DMD: variants seen among roughly 807,000 people sequenced by gnomAD.
The protein encoded by DMD is mutant dystrophin.
A neutral mutation model predicts 330.1 loss-of-function variants in DMD; 63 were observed. That is an observed-to-expected ratio of 0.19 (90% CI 0.16 to 0.24). The LOEUF (loss-of-function observed/expected upper bound fraction) is 0.24. Ranked by LOEUF, DMD falls within the 10% of genes least tolerant of loss-of-function variation. The probability of loss-of-function intolerance (pLI) is 1.00; values close to 1 mark genes in which losing one functional copy is unlikely to be tolerated. For synonymous variants in DMD, 1,223 were observed against 959.8 expected (o/e 1.27, Z -5.07); for missense variants, 3,344 against 2,684.1 (o/e 1.25, Z -5.43).
intron 43 of DMD, among the ~76,000 whole-genome samples, chrX:32,258,427 A>T (rs1011106741): frequency 3.3e-4 from 37 of 111,889 alleles, no homozygotes; most frequent in Admixed American, 5.7e-4. Flanking sequence ...ATGCCCATCA[A>T]TGATAGACTG....
At chrX:32,229,017 G>T (rs998567746) in intron 43 of DMD, among the ~76,000 whole-genome samples, 2 of 111,244 alleles carry the variant, frequency 1.8e-5, no homozygotes, top group African/African-American at 6.5e-5. Context: ...AGTCTAACTT[G>T]TATGTTTCTA....
Position 32,760,330 on chromosome X carries a change from A to G in DMD, c.649+49163T>C, listed in dbSNP as rs182768154. The stretch of plus-strand genomic sequence containing the variant: ...TATTTAACAGCATTATTCAATTGTC[A>G]TATTTGTTAGTACCTCATGATAAAT... On this transcript the variant is annotated intron_variant, in intron 7 of 78. Coordinates refer to ENST00000357033, the MANE Select transcript of DMD (RefSeq NM_004006.3). Among the ~76,000 whole-genome samples the G allele has an allele frequency of 4.3e-3, 399 of 92,655 alleles. 2 individuals carry two copies. Among genetic ancestry groups the G allele is most frequent in the African/African-American group, 0.017 (382 of 23,033 alleles). The allele number at this position is 92,655 out of a possible 115,157, so 80.5% of individuals were successfully genotyped here. A position where few individuals can be genotyped will look rare whatever the true frequency, so the allele number is the denominator to read the frequency against.
chrX:31,202,081 G>A (rs911803639), intron 67 of DMD, among the ~76,000 whole-genome samples: 2 of 110,918 alleles, frequency 1.8e-5, no homozygotes, highest in South Asian at 3.9e-4. Flanking sequence ...AGCTACTCGG[G>A]AGGCTGAGGC....
At chrX:31,633,443 G>A (rs1193396516) in intron 54 of DMD, among the ~76,000 whole-genome samples, 4 of 111,418 alleles carry the variant, frequency 3.6e-5, no homozygotes, top group Non-Finnish European at 5.7e-5. Flanking sequence ...CATCCATTCC[G>A]TACCTATTGT....
chrX:32,072,545 C>T (rs2147808528), intron 44 of DMD, among the ~76,000 whole-genome samples: 1 of 111,468 alleles, frequency 9.0e-6, no homozygotes, highest in Non-Finnish European at 1.9e-5. Flanking sequence ...ATTGTAGTAT[C>T]TATCAATGTC....
At chrX:31,721,698 CTCTCTCTCTCTCTCTCTCTCTATA>C (rs1228192690) in intron 52 of DMD, among the ~76,000 whole-genome samples, 3 of 65,706 alleles carry the variant, frequency 4.6e-5, no homozygotes, top group African/African-American at 8.3e-5. Context: ...CTCTCTCTCT[CTCTCTCTCTCTCTCTCTCTCTATA>C]TATATATATA....
intron 60 of DMD, among the ~76,000 whole-genome samples, chrX:31,407,280 T>G (rs1368302800): frequency 9.0e-6 from 1 of 110,548 alleles, no homozygotes; most frequent in African/African-American, 3.3e-5. Flanking sequence ...TTCTCCTGCC[T>G]CAGCCTCCGT....
At chrX:31,623,883 C>G (rs960444492) in intron 55 of DMD, among the ~76,000 whole-genome samples, 3 of 111,001 alleles carry the variant, frequency 2.7e-5, no homozygotes, top group Non-Finnish European at 5.7e-5. Flanking sequence ...CCCACACCCC[C>G]ACATTGTCTT....
intron 33 of DMD, among the ~76,000 whole-genome samples, chrX:32,385,942 G>A (rs1197787226): frequency 1.8e-5 from 2 of 109,877 alleles, no homozygotes; most frequent in African/African-American, 6.6e-5. Context: ...GTCATCACAA[G>A]TAGATATATA....
rs766396859 is a variant in DMD, at chrX:32,721,100, ATC to A, written c.650-21809_650-21808del. Among the ~76,000 whole-genome samples the A allele has an allele frequency of 7.2e-5, 8 of 110,678 alleles. 1 individual carries two copies. In the East Asian group the frequency reaches 2.3e-3, roughly 31 times the overall value. ...TGTGTGTGTGTGTCACAATTTCTTT[ATC>A]TGTCAGTGGACACTCAGGTTATTTT... On this transcript the variant is annotated intron_variant, in intron 7 of 78. Transcript: ENST00000357033.
chrX:32,575,529 A>T (rs73459777), intron 13 of DMD, among the ~76,000 whole-genome samples: 3,863 of 112,412 alleles, frequency 0.034, 153 homozygotes, highest in African/African-American at 0.12. Context: ...TGCGAGCTTA[A>T]ATCAATGAAT....
chrX:31,571,961 G>C (rs1220590527), intron 55 of DMD, among the ~76,000 whole-genome samples: 1 of 111,255 alleles, frequency 9.0e-6, no homozygotes, highest in Non-Finnish European at 1.9e-5. Context: ...CTAAAGAATT[G>C]CTAAAAATTA....
chrX:32,779,862 TA>T (rs1226260071), intron 7 of DMD, among the ~76,000 whole-genome samples: 1 of 110,888 alleles, frequency 9.0e-6, no homozygotes, highest in Non-Finnish European at 1.9e-5. Flanking sequence ...AAAAGTATAA[TA>T]AAAAAATCAA....
intron 9 of DMD, among the ~76,000 whole-genome samples, chrX:32,671,383 A>C (rs1310677458): frequency 9.0e-6 from 1 of 111,353 alleles, no homozygotes; most frequent in Non-Finnish European, 1.9e-5. Context: ...TGAGAAAAAG[A>C]GACAGAGTTC....
chrX:32,202,419 T>C (rs1305685344), intron 44 of DMD, among the ~76,000 whole-genome samples: 1 of 111,884 alleles, frequency 8.9e-6, no homozygotes, highest in Non-Finnish European at 1.9e-5. Context: ...TGGCACGATC[T>C]TGGCTCACTG....
At chrX:32,393,053 G>C (rs1202977333) in intron 30 of DMD, among the ~76,000 whole-genome samples, 1 of 112,069 alleles carries the variant, frequency 8.9e-6, no homozygotes, top group African/African-American at 3.2e-5. Context: ...ACCATTAGTG[G>C]GAATAATAAA....
intron 23 of DMD, among the ~76,000 whole-genome samples, chrX:32,467,039 GC>G (rs1344965758): frequency 6.3e-5 from 7 of 111,893 alleles, no homozygotes; most frequent in Non-Finnish European, 1.3e-4. Flanking sequence ...GCCCTCTTAG[GC>G]CACTGGTCTT....
chrX:32,844,709 G>A (rs2080494485), intron 4 of DMD, 74 bp downstream of exon 4: 1 of 883,828 alleles, frequency 1.1e-6, no homozygotes, highest in Admixed American at 2.2e-5. Flanking sequence ...CTCTGCATTT[G>A]GGGCCAAAGC....
intron 55 of DMD, among the ~76,000 whole-genome samples, chrX:31,509,366 C>A (rs761134352): frequency 8.9e-6 from 1 of 112,057 alleles, no homozygotes; most frequent in African/African-American, 3.2e-5. Context: ...CCAACCAGAT[C>A]TAAGTTCCAG....
Sources: gnomAD v4.1 joint callset for allele counts (sites outside exome capture counted in the v4.1 genomes callset) on GRCh38, gnomAD v4.1.1 for gene constraint, MANE v1.5 for transcripts, NCBI Gene and HGNC (gene_info 2026-07-23, HGNC 2026-07-21) for gene names.